Variants in WDR5 observed in about 807,000 individuals in gnomAD.
The protein encoded by WDR5 is WD repeat-containing protein 5.
For missense variants in WDR5, 187 were observed against 416.9 expected, an observed-to-expected ratio of 0.45 and a Z score of 4.80; for synonymous variants, 144 against 161.6, an observed-to-expected ratio of 0.89 and a Z score of 0.83.
chr9:134,141,035 G>C (rs1290500711), intron 3 of WDR5, among the ~76,000 whole-genome samples: 2 of 152,148 alleles, frequency 1.3e-5, no homozygotes, highest in Non-Finnish European at 2.9e-5. Flanking sequence ...TGTAATCTCA[G>C]CACTTTGGGA....
rs1380526870 is a variant in WDR5, at chr9:134,139,864, C to G, written c.-14C>G. The G allele has an allele frequency of 1.2e-6, 2 of 1,613,488 alleles. No homozygotes were observed. ...CCCTCCACCCTTGTCTCCTGTGCGGCCAGCGTCAGAGCCATGGCGACGGAG... is the reference window on the plus strand; with the variant it reads ...CCCTCCACCCTTGTCTCCTGTGCGGGCAGCGTCAGAGCCATGGCGACGGAG... On this transcript the variant is annotated 5_prime_UTR_variant, in exon 2 of 14. Coordinates refer to ENST00000358625, the MANE Select transcript of WDR5 (RefSeq NM_017588.3).
intron 7 of WDR5, among the ~76,000 whole-genome samples, chr9:134,145,615 C>G (rs1832152916): frequency 6.6e-6 from 1 of 152,208 alleles, no homozygotes; most frequent in African/African-American, 2.4e-5. Context: ...ATGTGTTTAG[C>G]TTTTTGACAG....
At chr9:134,151,291 C>T (rs748723140) in intron 8 of WDR5, among the ~76,000 whole-genome samples, 11 of 152,096 alleles carry the variant, frequency 7.2e-5, no homozygotes, top group Non-Finnish European at 1.0e-4. Context: ...CGGGGCCCTC[C>T]CAGAGGCGGC....
At position 134,139,947 on chromosome 9, in the gene WDR5, A is replaced by C; in HGVS notation, c.70A>C (p.Thr24Pro). 6.2e-7 allele frequency: 1 copy of C among 1,613,610 alleles called. No individual in the cohort carries two copies. The highest frequency in any genetic ancestry group is 8.5e-7 in the Non-Finnish European group (1 of 1,180,000). ...ACAGCCAACCCCTTCGTCATCCGCC[A>C]CTCAGAGCAAGGTGCGTGCCCAGGG... ...RAQPTPSSSA[T>P]QSKPTPVKPN... The change falls in exon 2 of 14, where the codon ACT becomes CCT. Residue 24 changes from threonine (T) to proline (P), a missense_variant. Transcript: ENST00000358625.
chr9:134,150,299 C>G (rs1490044144), intron 8 of WDR5, among the ~76,000 whole-genome samples: 1 of 152,168 alleles, frequency 6.6e-6, no homozygotes, highest in Non-Finnish European at 1.5e-5. Context: ...ATCAGGAAAC[C>G]TATTATCTAA....
At chr9:134,146,967 G>A (rs936979733) in intron 7 of WDR5, among the ~76,000 whole-genome samples, 1 of 152,228 alleles carries the variant, frequency 6.6e-6, no homozygotes, top group Admixed American at 6.5e-5. Flanking sequence ...TAGGGCTGCA[G>A]TACCCAGCAT....
intron 6 of WDR5, 104 bp from the exon 7 acceptor site, chr9:134,142,532 C>T: frequency 6.4e-7 from 1 of 1,555,118 alleles, no homozygotes; most frequent in Middle Eastern, 1.7e-4. Context: ...TGAGTCCTTT[C>T]TGTGCTGTTT....
chr9:134,156,885 G>A (rs1445256945), intron 13 of WDR5, among the ~76,000 whole-genome samples: 2 of 152,226 alleles, frequency 1.3e-5, no homozygotes, highest in Non-Finnish European at 2.9e-5. Context: ...GGTGCAGCCC[G>A]TCCCACGTCA....
At position 134,136,172 on chromosome 9, in the gene WDR5, C is replaced by T. The variant is rs181644608; in HGVS notation, c.-87C>T. The T allele has an allele frequency of 0.12, 18,071 of 147,592 alleles. 2,222 individuals are homozygous for T. Among genetic ancestry groups the T allele is most frequent in the African/African-American group, 0.32 (12,958 of 41,026 alleles). 9.1% of individuals were successfully genotyped at this position (147,592 alleles called of 1,614,324 possible). A position where few individuals can be genotyped will look rare whatever the true frequency, so the allele number is the denominator to read the frequency against. ...GCGGCGGCCGACGCGACGCCCCGAG[C>T]GCCCGGCCCCGCCGCCGCGGCCCGG... On this transcript the variant is annotated 5_prime_UTR_variant, in exon 1 of 14. Coordinates refer to ENST00000358625, the MANE Select transcript of WDR5 (RefSeq NM_017588.3).
intron 7 of WDR5, among the ~76,000 whole-genome samples, chr9:134,143,096 AGT>A (rs1831980408): frequency 9.5e-6 from 1 of 105,216 alleles, no homozygotes; most frequent in African/African-American, 3.7e-5. Context: ...GCACAGGTGA[AGT>A]GTGAGTTTTG....
intron 7 of WDR5, 121 bp downstream of exon 7, chr9:134,142,840 G>C: frequency 1.0e-6 from 1 of 982,272 alleles, no homozygotes; most frequent in Admixed American, 2.0e-5. Context: ...GCTGATTCCT[G>C]CTGTCATGCC....
intron 7 of WDR5, among the ~76,000 whole-genome samples, chr9:134,147,245 G>A (rs1832254794): frequency 6.6e-6 from 1 of 152,198 alleles, no homozygotes; most frequent in South Asian, 2.1e-4. Context: ...GTCTAGCCTA[G>A]TGCTTCTCTG....
At chr9:134,146,392 G>C (rs1050643769) in intron 7 of WDR5, among the ~76,000 whole-genome samples, 3 of 152,068 alleles carry the variant, frequency 2.0e-5, no homozygotes, top group Non-Finnish European at 4.4e-5. Flanking sequence ...ATGCCACCAC[G>C]CCTGGTTAAG....
At chr9:134,150,591 T>C (rs1461508978) in intron 8 of WDR5, among the ~76,000 whole-genome samples, 2 of 152,170 alleles carry the variant, frequency 1.3e-5, no homozygotes, top group East Asian at 3.8e-4. Flanking sequence ...CCTATGAAAA[T>C]TGAATAGAGA....
At position 134,158,435 on chromosome 9, in the gene WDR5, C is replaced by T. The variant is rs757250237; in HGVS notation, c.*442C>T. 6.2e-6 allele frequency: 1 copy of T among 160,494 alleles called. No individual in the cohort carries two copies. Among genetic ancestry groups the T allele is most frequent in the Non-Finnish European group, 1.4e-5 (1 of 73,516 alleles). The allele number at this position is 160,494 out of a possible 1,614,324, so 9.9% of individuals were successfully genotyped here. On this transcript the variant is annotated 3_prime_UTR_variant, in exon 14 of 14. Coordinates refer to ENST00000358625, the MANE Select transcript of WDR5 (RefSeq NM_017588.3). ...TTGGCCCACGCCGGCCGCCCCCATT[C>T]TCTGCTGCGTAGATGCCCTGGCCCA...
At chr9:134,142,840 G>A in intron 7 of WDR5, 121 bp downstream of exon 7, 3 of 982,272 alleles carry the variant, frequency 3.1e-6, no homozygotes, top group Non-Finnish European at 4.7e-6. Flanking sequence ...GCTGATTCCT[G>A]CTGTCATGCC....
chr9:134,148,542 G>A (rs1250839433), intron 8 of WDR5, among the ~76,000 whole-genome samples, 199 bp downstream of exon 8: 1 of 152,092 alleles, frequency 6.6e-6, no homozygotes, highest in African/African-American at 2.4e-5. Context: ...GTGGTGGGGC[G>A]GCATGCCTGG....
chr9:134,142,516 G>A, intron 6 of WDR5, 94 bp downstream of exon 6: 4 of 1,551,358 alleles, frequency 2.6e-6, no homozygotes, highest in Non-Finnish European at 3.6e-6. Flanking sequence ...GAAGGCAGGT[G>A]GGCCCTGAGT....
chr9:134,138,583 C>A (rs376781511), intron 1 of WDR5, among the ~76,000 whole-genome samples: 1 of 152,186 alleles, frequency 6.6e-6, no homozygotes, highest in Non-Finnish European at 1.5e-5. Context: ...TCCTCTCCCC[C>A]TCTCTTGTAC....
Sources: allele counts gnomAD v4.1 joint callset (sites outside exome capture counted in the v4.1 genomes callset), GRCh38; gene constraint gnomAD v4.1.1; transcripts MANE v1.5; gene names NCBI Gene and HGNC (gene_info 2026-07-23, HGNC 2026-07-21).